ANKRD44: variants seen among roughly 807,000 people sequenced by gnomAD.
ANKRD44 encodes ankyrin repeat domain 44, also known as serine/threonine-protein phosphatase 6 regulatory ankyrin repeat subunit B.
Under a neutral mutation model 116.0 loss-of-function variants are expected in ANKRD44, and 35 were observed. The observed-to-expected ratio is 0.30, with a 90% confidence interval of 0.23 to 0.40. The LOEUF (loss-of-function observed/expected upper bound fraction) is 0.40. Among genes scored for constraint, ANKRD44 ranks in the 10% least tolerant of loss-of-function variants. The pLI is 1.00. For synonymous variants in ANKRD44, 435 were observed against 461.8 expected (o/e 0.94, Z 0.74); for missense variants, 1,014 against 1,242.6 (o/e 0.82, Z 2.77).
At chr2:196,998,571 C>T (rs962505100) in intron 24 of ANKRD44, 152 bp from the exon 25 acceptor site, 1 of 688,896 alleles carries the variant, frequency 1.5e-6, no homozygotes, top group Non-Finnish European at 2.5e-6. Flanking sequence ...GTAATTTATT[C>T]TCATATCTGT....
intron 1 of ANKRD44, among the ~76,000 whole-genome samples, chr2:197,279,321 T>C (rs1386022237): frequency 2.0e-5 from 3 of 152,164 alleles, no homozygotes; most frequent in South Asian, 4.1e-4. Context: ...AGAAACAGCA[T>C]CACGCAGTCC....
intron 16 of ANKRD44, among the ~76,000 whole-genome samples, chr2:197,071,257 C>G (rs1224736557): frequency 6.6e-6 from 1 of 152,110 alleles, no homozygotes; most frequent in Admixed American, 6.6e-5. Context: ...GTTTAATTTG[C>G]TCTCTCCAGA....
chr2:197,250,397 C>A (rs1041735450), intron 1 of ANKRD44, among the ~76,000 whole-genome samples: 1 of 152,166 alleles, frequency 6.6e-6, no homozygotes, highest in East Asian at 1.9e-4. Flanking sequence ...TAGACCAGAA[C>A]AAAGGCACAC....
intron 7 of ANKRD44, 33 bp from the exon 8 acceptor site, chr2:197,121,577 T>C (rs1252102876): frequency 1.3e-6 from 2 of 1,579,730 alleles, no homozygotes; most frequent in East Asian, 2.2e-5. Context: ...GTGATTAAAG[T>C]CATTAGAGCC....
intron 4 of ANKRD44, among the ~76,000 whole-genome samples, chr2:197,129,779 T>A (rs139981581): frequency 5.9e-5 from 9 of 152,356 alleles, no homozygotes; most frequent in African/African-American, 1.9e-4. Flanking sequence ...TTAGAAACTA[T>A]CATCCTTAAT....
chr2:197,260,206 G>A (rs1296137448), intron 1 of ANKRD44, among the ~76,000 whole-genome samples: 1 of 148,632 alleles, frequency 6.7e-6, no homozygotes, highest in East Asian at 2.1e-4. Context: ...TTAGCATTAG[G>A]TATATCTCCT....
rs141449864 is a variant in ANKRD44, at chr2:197,075,537, G to A, written c.1650+3166C>T. Among the ~76,000 whole-genome samples, 15 of 152,278 alleles carry A rather than the reference G, an allele frequency of 9.9e-5. 1 individual carries two copies. The highest frequency in any genetic ancestry group is 2.0e-4 in the Admixed American group (3 of 15,282). The stretch of plus-strand genomic sequence containing the variant: ...TTTTGCTTGCACACATAGTACGAAC[G>A]TCTTTGATCAAGACCAGCTGAGAAT... On this transcript the variant is annotated intron_variant, in intron 16 of 27. Transcript: ENST00000282272.
chr2:197,110,742 A>T, intron 9 of ANKRD44, 24 bp downstream of exon 9: 1 of 1,590,408 alleles, frequency 6.3e-7, no homozygotes, highest in Non-Finnish European at 8.6e-7. Flanking sequence ...CGAAATAATG[A>T]CACTACTGAA....
At chr2:197,118,619 G>A (rs2950822) in intron 8 of ANKRD44, among the ~76,000 whole-genome samples, 37,102 of 128,100 alleles carry the variant, frequency 0.29, 5,703 homozygotes, top group Middle Eastern at 0.37. Flanking sequence ...GAAAGAAAGA[G>A]AGAGAGAGAG....
chr2:197,078,899 G>A lies in ANKRD44; in HGVS notation c.1539-85C>T, dbSNP rs1221798843. ...TTATGTAAATCCTCCTATTACGAAC[G>A]TTCCATGAAGTACTTTATGAGTTTG... On this transcript the variant is annotated intron_variant, in intron 15 of 27. Coordinates refer to ENST00000282272, the MANE Select transcript of ANKRD44 (RefSeq NM_001195144.2). 2.5e-5 allele frequency: 34 copies of A among 1,334,252 alleles called. No homozygotes were observed. In the South Asian group the frequency reaches 2.8e-4, roughly 11 times the overall value. The allele number at this position is 1,334,252 out of a possible 1,614,324, so 82.7% of individuals were successfully genotyped here. A position where few individuals can be genotyped will look rare whatever the true frequency, so the allele number is the denominator to read the frequency against.
intron 2 of ANKRD44, among the ~76,000 whole-genome samples, chr2:197,159,212 A>G (rs1003732091): frequency 2.6e-5 from 4 of 152,242 alleles, no homozygotes; most frequent in African/African-American, 9.6e-5. Context: ...ATTTTAACAG[A>G]AATGATTAGT....
chr2:197,125,966 A>G lies in ANKRD44; in HGVS notation c.333T>C (p.Leu111=). 6.2e-7 allele frequency: 1 copy of G among 1,614,228 alleles called. No individual in the cohort carries two copies. Among genetic ancestry groups the G allele is most frequent in the Non-Finnish European group, 8.5e-7 (1 of 1,180,032 alleles). Residue 111 remains leucine, a synonymous_variant, in exon 5 of 28, where the codon CTT becomes CTC. Coordinates refer to ENST00000282272, the MANE Select transcript of ANKRD44 (RefSeq NM_001195144.2). Reference sequence around the variant, plus strand: ...CAGCCTTGTTGGCTGCTGCCACATGAAGAGGGGTCTGCCAGTTCTTGTCCC... The same window carrying G: ...CAGCCTTGTTGGCTGCTGCCACATGGAGAGGGGTCTGCCAGTTCTTGTCCC... ...NARDKNWQTP[L]HVAAANKAVK...
chr2:197,286,955 GC>G (rs1477930674), intron 1 of ANKRD44, among the ~76,000 whole-genome samples: 2 of 152,184 alleles, frequency 1.3e-5, no homozygotes, highest in Non-Finnish European at 2.9e-5. Context: ...GCAGGCATGA[GC>G]AGGCAGAGCA....
intron 16 of ANKRD44, among the ~76,000 whole-genome samples, chr2:197,026,555 G>C (rs1439915532): frequency 6.6e-6 from 1 of 152,202 alleles, no homozygotes; most frequent in African/African-American, 2.4e-5. Flanking sequence ...AGCCAAGTGA[G>C]CGAGGGTGAG....
At chr2:197,253,443 C>A (rs2082367845) in intron 1 of ANKRD44, among the ~76,000 whole-genome samples, 1 of 152,168 alleles carries the variant, frequency 6.6e-6, no homozygotes, top group South Asian at 2.1e-4. Flanking sequence ...ATTATCTACA[C>A]ACACACGTAC....
Position 196,972,667 on chromosome 2 carries a change from C to A in ANKRD44, c.2369-5221G>T, listed in dbSNP as rs145461483. On this transcript the variant is annotated intron_variant, in intron 21 of 21. Coordinates refer to the ANKRD44 transcript ENST00000424317. ...TGCAAGTCTATATTTGTAGCCTGCC[C>A]AGGACTTGAGAATGTTAGGGGCAGG... Among the ~76,000 whole-genome samples, 200 of 152,264 alleles carry A rather than the reference C, an allele frequency of 1.3e-3. 2 individuals are homozygous for A. Among genetic ancestry groups the A allele is most frequent in the Admixed American group, 4.6e-3 (71 of 15,298 alleles).
In ANKRD44 at chr2:197,099,789, T is replaced by C; in HGVS notation, c.1100+27A>G. On this transcript the variant is annotated intron_variant, in intron 10 of 27. Transcript: ENST00000282272. ...GCAGTATTCCCACTTGAGGCAATTA[T>C]TCCACCGTATTTTTGCGGTAACCTA... 3 of 1,613,178 alleles carry C rather than the reference T, an allele frequency of 1.9e-6. No individual in the cohort carries two copies. The South Asian group carries it at 3.3e-5, about 18-fold the overall frequency.
intron 27 of ANKRD44, chr2:196,990,078 G>C: frequency 4.0e-6 from 4 of 1,008,034 alleles, no homozygotes; most frequent in Non-Finnish European, 4.7e-6. Context: ...AATTCATCTG[G>C]CAACTTTAAC....
intron 16 of ANKRD44, among the ~76,000 whole-genome samples, chr2:197,031,520 G>T (rs2076707475): frequency 1.3e-5 from 2 of 152,100 alleles, no homozygotes; most frequent in South Asian, 4.1e-4. Context: ...GTATTGTTTT[G>T]TAATCAGAAA....
Sources: allele counts gnomAD v4.1 joint callset (sites outside exome capture counted in the v4.1 genomes callset), GRCh38; gene constraint gnomAD v4.1.1; transcripts MANE v1.5; gene names NCBI Gene and HGNC (gene_info 2026-07-23, HGNC 2026-07-21).